The following MARCHF1 variants were observed in gnomAD, a reference collection of about 807,000 sequenced individuals.
MARCHF1 encodes membrane associated ring-CH-type finger 1, also known as E3 ubiquitin-protein ligase MARCHF1.
Under a neutral mutation model 54.2 loss-of-function variants are expected in MARCHF1, and 40 were observed. The observed-to-expected ratio is 0.74, with a 90% CI of 0.57 to 0.96. MARCHF1 has a LOEUF of 0.96. MARCHF1 is among the 40% of genes least tolerant of loss of function. MARCHF1 has a pLI of 0.00. For missense variants in MARCHF1, 586 were observed against 656.5 expected (o/e 0.89, Z 1.17); for synonymous variants, 236 against 236.3 (o/e 1.00, Z 0.01).
rs11375749 is a variant in MARCHF1, at chr4:163,946,002, TA to T, written c.-39+42498del. On this transcript the variant is annotated intron_variant, in intron 3 of 9. Transcript: ENST00000514618. Reference sequence around the variant, plus strand: ...TCTCAACCTGTATTTTTAGTGCATTTAAAAAAAAAACACTTAATTCCATATA... The same window carrying T: ...TCTCAACCTGTATTTTTAGTGCATTTAAAAAAAAACACTTAATTCCATATA... Among the ~76,000 whole-genome samples the T allele has an allele frequency of 1.7e-3, 250 of 150,024 alleles. 1 individual carries two copies. The highest frequency in any genetic ancestry group is 5.7e-3 in the African/African-American group (234 of 40,866).
intron 1 of MARCHF1, among the ~76,000 whole-genome samples, chr4:164,291,689 A>T (rs1734286777): frequency 1.3e-5 from 2 of 152,076 alleles, no homozygotes; most frequent in South Asian, 4.1e-4. Flanking sequence ...TACTGAATAC[A>T]GTTGACATGT....
chr4:163,878,697 A>T (rs769809893), intron 3 of MARCHF1, among the ~76,000 whole-genome samples: 1 of 152,248 alleles, frequency 6.6e-6, no homozygotes, highest in African/African-American at 2.4e-5. Flanking sequence ...TAAGCCACCA[A>T]AATAAACCAT....
intron 2 of MARCHF1, among the ~76,000 whole-genome samples, chr4:164,102,448 G>A (rs1183646303): frequency 0.026 from 3,451 of 131,996 alleles, 120 homozygotes; most frequent in African/African-American, 0.093. Flanking sequence ...GAAGAGAGTG[G>A]GGGCCAATAT....
chr4:163,609,064 A>T (rs944707193), intron 7 of MARCHF1, among the ~76,000 whole-genome samples: 1 of 152,062 alleles, frequency 6.6e-6, no homozygotes, highest in East Asian at 1.9e-4. Context: ...TAATATCTTT[A>T]GTACCTTGTG....
intron 4 of MARCHF1, among the ~76,000 whole-genome samples, chr4:163,849,016 T>G (rs1347872619): frequency 6.6e-6 from 1 of 152,194 alleles, no homozygotes; most frequent in Non-Finnish European, 1.5e-5. Flanking sequence ...AAAGATCCTA[T>G]TTGTCTTTAT....
rs1167961521 is a variant in MARCHF1, at chr4:164,176,939, GCGCTCTCT to G, written c.-322-65285_-322-65278del. On this transcript the variant is annotated intron_variant, in intron 1 of 9. Transcript: ENST00000514618. ...TTTGTTATTTATCTGAGTACCTTGT[GCGCTCTCT>G]CTCTCTCTCTCTCTCTCTCTCTCTC... Among the ~76,000 whole-genome samples, 106 of 53,666 alleles carry G rather than the reference GCGCTCTCT, an allele frequency of 2.0e-3. 1 individual carries two copies. Among genetic ancestry groups the G allele is most frequent in the African/African-American group, 6.2e-3 (101 of 16,352 alleles). 35.2% of individuals were successfully genotyped at this position (53,666 alleles called of 152,430 possible). A position where few individuals can be genotyped will look rare whatever the true frequency, so the allele number is the denominator to read the frequency against.
intron 1 of MARCHF1, among the ~76,000 whole-genome samples, chr4:164,323,718 C>T (rs1015701235): frequency 9.4e-5 from 14 of 148,764 alleles, no homozygotes; most frequent in South Asian, 8.5e-4. Flanking sequence ...ATTGAAATTA[C>T]GGCAGTAAAT....
intron 4 of MARCHF1, among the ~76,000 whole-genome samples, chr4:163,721,651 T>C (rs1241616999): frequency 1.3e-5 from 2 of 152,176 alleles, no homozygotes; most frequent in Non-Finnish European, 2.9e-5. Flanking sequence ...TGTAAATCCA[T>C]CTGGTCCTGG....
At chr4:163,972,457 A>C (rs1472534033) in intron 3 of MARCHF1, among the ~76,000 whole-genome samples, 2 of 152,224 alleles carry the variant, frequency 1.3e-5, no homozygotes, top group Non-Finnish European at 2.9e-5. Flanking sequence ...CAAGTTTAAA[A>C]AGTTCAAGTA....
intron 1 of MARCHF1, among the ~76,000 whole-genome samples, chr4:164,176,980 C>CTCTCTCTCTATATATA (rs1466683245): frequency 3.4e-5 from 2 of 58,920 alleles, no homozygotes; most frequent in African/African-American, 1.4e-4. Context: ...CTCTCTCTCT[C>CTCTCTCTCTATATATA]TATATATATA....
chr4:163,692,223 T>C (rs1246804493), intron 5 of MARCHF1, among the ~76,000 whole-genome samples: 1 of 152,232 alleles, frequency 6.6e-6, no homozygotes, highest in Non-Finnish European at 1.5e-5. Flanking sequence ...TCAGTCCCTC[T>C]TCTGGGGCTG....
intron 1 of MARCHF1, among the ~76,000 whole-genome samples, chr4:164,305,166 C>G (rs973929781): frequency 1.3e-5 from 2 of 151,958 alleles, no homozygotes; most frequent in African/African-American, 4.8e-5. Context: ...GGAAAGTGAC[C>G]CCCAAAATGG....
At chr4:163,562,196 C>G (rs1343728756) in intron 8 of MARCHF1, among the ~76,000 whole-genome samples, 1 of 152,146 alleles carries the variant, frequency 6.6e-6, no homozygotes, top group Admixed American at 6.5e-5. Flanking sequence ...ACTCCAGAGG[C>G]TGGGGCAGGA....
At chr4:164,357,525 G>C (rs1299100801) in intron 1 of MARCHF1, among the ~76,000 whole-genome samples, 2 of 152,070 alleles carry the variant, frequency 1.3e-5, no homozygotes. Flanking sequence ...ACATGCACAG[G>C]TTCAGCGCAT....
intron 1 of MARCHF1, among the ~76,000 whole-genome samples, chr4:164,223,077 A>G (rs1732158146): frequency 6.6e-6 from 1 of 151,962 alleles, no homozygotes; most frequent in Non-Finnish European, 1.5e-5. Context: ...CACTACCACA[A>G]GAACAGTATA....
At chr4:163,796,514 CTCT>C (rs1341685392) in intron 4 of MARCHF1, among the ~76,000 whole-genome samples, 2 of 152,030 alleles carry the variant, frequency 1.3e-5, no homozygotes, top group African/African-American at 4.8e-5. Flanking sequence ...TTGATTTGTT[CTCT>C]TTTTTCCAGG....
chr4:164,361,177 T>G (rs919454364), intron 1 of MARCHF1, among the ~76,000 whole-genome samples: 1 of 152,042 alleles, frequency 6.6e-6, no homozygotes, highest in Non-Finnish European at 1.5e-5. Flanking sequence ...TCTTTTCCTC[T>G]TCTGATGCTT....
rs764691051 is a variant in MARCHF1, at chr4:164,005,934, AT to A, written c.-247-17226del. On this transcript the variant is annotated intron_variant, in intron 2 of 9. Transcript: ENST00000514618. ...GGAATCACCTAGAACCAAAAAGGAGATAGTGACCAAGCAATAAAGATTTCCC... is the reference window on the plus strand; with the variant it reads ...GGAATCACCTAGAACCAAAAAGGAGAAGTGACCAAGCAATAAAGATTTCCC... Among the ~76,000 whole-genome samples the A allele has an allele frequency of 1.9e-4, 29 of 152,310 alleles. No individual in the cohort carries two copies. In the East Asian group the frequency reaches 3.3e-3, roughly 17 times the overall value.
At chr4:163,943,249 T>C (rs1751952339) in intron 3 of MARCHF1, among the ~76,000 whole-genome samples, 1 of 152,232 alleles carries the variant, frequency 6.6e-6, no homozygotes, top group Non-Finnish European at 1.5e-5. Context: ...GTCTTCGTCA[T>C]GAAAGCTTTG....
Sources: gnomAD v4.1 joint callset for allele counts (sites outside exome capture counted in the v4.1 genomes callset) on GRCh38, gnomAD v4.1.1 for gene constraint, MANE v1.5 for transcripts, NCBI Gene and HGNC (gene_info 2026-07-23, HGNC 2026-07-21) for gene names.